GALNTL6: variants seen among roughly 807,000 people sequenced by gnomAD.
GALNTL6 encodes the protein polypeptide N-acetylgalactosaminyltransferase-like 6.
GALNTL6 carries 46 observed loss-of-function variants against 73.7 expected under a neutral mutation model. The ratio of observed to expected loss-of-function variants is 0.62; its 90% CI spans 0.49 to 0.80. The LOEUF (loss-of-function observed/expected upper bound fraction) is 0.80, where lower values mean the gene tolerates loss of function less well. Among genes scored for constraint, GALNTL6 ranks in the 30% least tolerant of loss-of-function variants. The probability of loss-of-function intolerance (pLI) is 0.00; values close to 1 mark genes in which losing one functional copy is unlikely to be tolerated. For missense variants in GALNTL6, 604 were observed against 755.0 expected, an observed-to-expected ratio of 0.80 and a Z score of 2.34; for synonymous variants, 259 against 263.7, an observed-to-expected ratio of 0.98 and a Z score of 0.17.
chr4:172,146,114 T>G (rs912177372), intron 2 of GALNTL6, among the ~76,000 whole-genome samples: 1 of 152,272 alleles, frequency 6.6e-6, no homozygotes, highest in East Asian at 1.9e-4. Flanking sequence ...ATCTCCTGTT[T>G]TCAGGAAGAA....
At chr4:172,385,861 C>T (rs886857723) in intron 5 of GALNTL6, among the ~76,000 whole-genome samples, 1 of 151,764 alleles carries the variant, frequency 6.6e-6, no homozygotes, top group African/African-American at 2.4e-5. Context: ...TCTTCGGTTA[C>T]ATATACATAT....
intron 5 of GALNTL6, among the ~76,000 whole-genome samples, chr4:172,713,240 G>C (rs1283878609): frequency 1.2e-5 from 1 of 80,186 alleles, no homozygotes; most frequent in Non-Finnish European, 2.5e-5. Flanking sequence ...GTGTGTGTGT[G>C]TGTGTGTGTG....
chr4:172,415,126 A>G (rs1427780177), intron 5 of GALNTL6, among the ~76,000 whole-genome samples: 1 of 152,196 alleles, frequency 6.6e-6, no homozygotes, highest in Non-Finnish European at 1.5e-5. Flanking sequence ...TCTGTCGTCA[A>G]AGTAATTACA....
At chr4:172,504,171 A>AAAAAAAAAAAAC (rs1297265192) in intron 5 of GALNTL6, among the ~76,000 whole-genome samples, 1 of 42,594 alleles carries the variant, frequency 2.3e-5, no homozygotes, top group African/African-American at 6.1e-5. Flanking sequence ...AAAAAAAAAA[A>AAAAAAAAAAAAC]AAAAAAAACT....
At chr4:172,912,671 G>T (rs1747275663) in intron 8 of GALNTL6, among the ~76,000 whole-genome samples, 1 of 152,186 alleles carries the variant, frequency 6.6e-6, no homozygotes, top group Non-Finnish European at 1.5e-5. Context: ...TGGGGGAGGG[G>T]CATCTGCCAT....
At chr4:172,699,636 A>G (rs949078151) in intron 5 of GALNTL6, among the ~76,000 whole-genome samples, 1 of 152,146 alleles carries the variant, frequency 6.6e-6, no homozygotes, top group Non-Finnish European at 1.5e-5. Flanking sequence ...TCAAATCCTC[A>G]CTAAGTCCAG....
At chr4:172,633,597 A>G (rs1242964001) in intron 5 of GALNTL6, among the ~76,000 whole-genome samples, 1 of 152,062 alleles carries the variant, frequency 6.6e-6, no homozygotes, top group Non-Finnish European at 1.5e-5. Context: ...TAAACTGTGG[A>G]CCTCTGAGTT....
intron 8 of GALNTL6, among the ~76,000 whole-genome samples, chr4:172,885,594 T>A (rs996434569): frequency 3.7e-4 from 57 of 152,214 alleles, no homozygotes; most frequent in African/African-American, 1.2e-3. Context: ...CAGAACTAGG[T>A]TGAATAAAAG....
intron 2 of GALNTL6, among the ~76,000 whole-genome samples, chr4:172,072,278 C>T (rs1362975832): frequency 6.6e-6 from 1 of 151,972 alleles, no homozygotes; most frequent in African/African-American, 2.4e-5. Flanking sequence ...TGACTCTTCA[C>T]AGTAGATGGT....
At chr4:172,213,529 C>T (rs1188720573) in intron 2 of GALNTL6, among the ~76,000 whole-genome samples, 3 of 152,048 alleles carry the variant, frequency 2.0e-5, no homozygotes, top group Admixed American at 6.5e-5. Context: ...AATTAAGGAT[C>T]GTTGTATATG....
intron 10 of GALNTL6, among the ~76,000 whole-genome samples, chr4:172,991,427 CTTGCTCTG>C: frequency 6.6e-6 from 1 of 151,920 alleles, no homozygotes; most frequent in East Asian, 1.9e-4. Context: ...GAGACAGAGT[CTTGCTCTG>C]TCACCCAGGC....
At chr4:172,965,509 G>C (rs1398663290) in intron 10 of GALNTL6, among the ~76,000 whole-genome samples, 1 of 152,062 alleles carries the variant, frequency 6.6e-6, no homozygotes, top group Admixed American at 6.6e-5. Flanking sequence ...CGTGAACCCA[G>C]GAGGCAGAGC....
At chr4:172,783,205 C>A (rs1739466331) in intron 5 of GALNTL6, among the ~76,000 whole-genome samples, 1 of 150,574 alleles carries the variant, frequency 6.6e-6, no homozygotes, top group African/African-American at 2.4e-5. Flanking sequence ...TGGAAACTTG[C>A]TCAGAAAAAC....
intron 2 of GALNTL6, among the ~76,000 whole-genome samples, chr4:172,061,831 C>T (rs1731209838): frequency 1.3e-5 from 2 of 151,992 alleles, no homozygotes; most frequent in African/African-American, 2.4e-5. Context: ...CCTGAACGTT[C>T]TCAAAACTCA....
chr4:172,559,058 A>ATTTTTTTTTTTTTTT (rs71592081), intron 5 of GALNTL6, among the ~76,000 whole-genome samples: 2 of 77,380 alleles, frequency 2.6e-5, no homozygotes, highest in Non-Finnish European at 4.4e-5. Context: ...ATGATAATGG[A>ATTTTTTTTTTTTTTT]TTTTTTTTTT....
At chr4:172,607,751 G>A (rs1560833063) in intron 5 of GALNTL6, among the ~76,000 whole-genome samples, 1 of 152,064 alleles carries the variant, frequency 6.6e-6, no homozygotes, top group Admixed American at 6.6e-5. Flanking sequence ...AGCCTCATCA[G>A]CATCTGTTAT....
intron 8 of GALNTL6, among the ~76,000 whole-genome samples, chr4:172,900,436 C>T (rs1265156717): frequency 6.6e-6 from 1 of 152,108 alleles, no homozygotes; most frequent in East Asian, 1.9e-4. Context: ...CCTTTTGATC[C>T]CTACCTAATG....
rs774957851 is a variant in GALNTL6, at chr4:172,309,859, G to C, written c.248-1755G>C. Among the ~76,000 whole-genome samples, 51 of 151,942 alleles carry C rather than the reference G, an allele frequency of 3.4e-4. No homozygotes were observed. The Middle Eastern group carries it at 0.017, about 51-fold the overall frequency. Reference sequence around the variant, plus strand: ...GGATACTACAAACAATACAATGAAGGTAAAACACATCTACAAAAATTTACC... The same window carrying C: ...GGATACTACAAACAATACAATGAAGCTAAAACACATCTACAAAAATTTACC... On this transcript the variant is annotated intron_variant, in intron 3 of 12. Coordinates refer to ENST00000506823, the MANE Select transcript of GALNTL6 (RefSeq NM_001034845.3).
intron 3 of GALNTL6, among the ~76,000 whole-genome samples, chr4:172,265,499 T>C (rs1051217163): frequency 2.0e-5 from 3 of 152,082 alleles, no homozygotes; most frequent in African/African-American, 2.4e-5. Flanking sequence ...GTACAAAATA[T>C]TGAGTACAGT....
Sources: allele counts gnomAD v4.1 joint callset (sites outside exome capture counted in the v4.1 genomes callset), GRCh38; gene constraint gnomAD v4.1.1; transcripts MANE v1.5; gene names NCBI Gene and HGNC (gene_info 2026-07-23, HGNC 2026-07-21).